ATRIP: variants seen among roughly 807,000 people sequenced by gnomAD.
The protein encoded by ATRIP is ATR interacting protein.
A neutral mutation model predicts 78.1 loss-of-function variants in ATRIP; 44 were observed. The observed-to-expected ratio is 0.56, with a 90% CI of 0.44 to 0.72. ATRIP has a LOEUF of 0.72. Ranked by LOEUF, ATRIP falls within the 30% of genes least tolerant of loss-of-function variation. The probability of loss-of-function intolerance (pLI) is 0.00; values close to 1 mark genes in which losing one functional copy is unlikely to be tolerated. For missense variants in ATRIP, 927 were observed against 980.2 expected (o/e 0.95, Z 0.72); for synonymous variants, 388 against 408.9 (o/e 0.95, Z 0.62).
Position 48,459,844 on chromosome 3 carries a change from G to C in ATRIP, c.983G>C (p.Ser328Thr), listed in dbSNP as rs774449471. The part of the protein sequence containing the change: ...KQPLIPGSSL[S>T]LCHLLSSSSE... ...CCTTTGATCCCAGGGTCATCCCTAA[G>C]CCTTTGCCACCTCCTGAGTAGTAGT... Residue 328 changes from serine (S) to threonine (T), a missense_variant, in exon 7 of 13, where the codon AGC becomes ACC. Ser to Thr is a moderately conservative substitution (Grantham distance 58). Transcript: ENST00000320211. 7 of 1,613,998 alleles carry C rather than the reference G, an allele frequency of 4.3e-6. No individual in the cohort carries two copies. In the South Asian group the frequency reaches 7.7e-5, roughly 18 times the overall value.
chr3:48,458,355 A>C (rs2040009991), intron 5 of ATRIP, among the ~76,000 whole-genome samples: 6 of 139,504 alleles, frequency 4.3e-5, no homozygotes, highest in Admixed American at 7.3e-5. Flanking sequence ...GCGGAGTCTC[A>C]CTCTGTCACC....
In ATRIP at chr3:48,467,042, C is replaced by T. The variant is rs202025490; in HGVS notation, c.*1488C>T. 62 of 1,613,978 alleles carry T rather than the reference C, an allele frequency of 3.8e-5. No individual in the cohort carries two copies. The highest frequency in any genetic ancestry group is 1.8e-4 in the Admixed American group (11 of 60,006). ...TGGTGGCACACAATGGTGACCGCTA[C>T]GACTTCCCCCTGCTCCAAGCAGAGC... On this transcript the variant is annotated 3_prime_UTR_variant, in exon 13 of 13. Coordinates refer to ENST00000320211, the MANE Select transcript of ATRIP (RefSeq NM_130384.3).
chr3:48,453,029 C>T (rs2039872730), intron 3 of ATRIP, among the ~76,000 whole-genome samples: 1 of 151,948 alleles, frequency 6.6e-6, no homozygotes, highest in Non-Finnish European at 1.5e-5. Flanking sequence ...GAACTATAGG[C>T]ACACACCACC....
rs1306718039 is a variant in ATRIP, at chr3:48,466,541, G to A, written c.*987G>A. The A allele has an allele frequency of 6.2e-7, 1 of 1,613,840 alleles. No homozygotes were observed. Among genetic ancestry groups the A allele is most frequent in the East Asian group, 2.2e-5 (1 of 44,890 alleles). ...GCAGGATTGTGCAGGGAAGGCCTGA[G>A]ATGTGCTTCTGCCCACCCCCTACCC... On this transcript the variant is annotated 3_prime_UTR_variant, in exon 13 of 13. Transcript: ENST00000320211.
rs760594164 is a variant in ATRIP, at chr3:48,466,947, C to CA, written c.*1395dup. 1.7e-5 allele frequency: 27 copies of CA among 1,611,878 alleles called. No individual in the cohort carries two copies. The East Asian group carries it at 6.0e-4, about 36-fold the overall frequency. ...AGCTGTGCTGGCAGCGCATGGGCGT[C>CA]AATGTTTTGATGACAACCTGGCCAA... On this transcript the variant is annotated 3_prime_UTR_variant, in exon 13 of 13. Transcript: ENST00000320211.
intron 4 of ATRIP, among the ~76,000 whole-genome samples, chr3:48,455,640 C>T (rs1353477992): frequency 6.6e-6 from 1 of 151,862 alleles, no homozygotes; most frequent in Non-Finnish European, 1.5e-5. Context: ...CAGGCACATA[C>T]CACCACACCA....
chr3:48,447,051 A>G lies in ATRIP; in HGVS notation c.206A>G (p.Gln69Arg), dbSNP rs947277468. Residue 69 changes from glutamine (Q) to arginine (R), a missense_variant, in exon 1 of 13, where the codon CAG becomes CGG. By Grantham distance (43) the Gln-to-Arg change is conservative (BLOSUM62 1). Coordinates refer to ENST00000320211, the MANE Select transcript of ATRIP (RefSeq NM_130384.3). ...DLEELDTLASQALSQCPAAAR... is the reference protein window; with the variant it reads ...DLEELDTLASRALSQCPAAAR... The stretch of plus-strand genomic sequence containing the variant: ...GAGGAGCTTGACACCCTCGCGTCAC[A>G]GGCCCTGAGCCAATGTCCGGCCGCG... 3 of 1,568,012 alleles carry G rather than the reference A, an allele frequency of 1.9e-6. No homozygotes were observed. The highest frequency in any genetic ancestry group is 2.6e-6 in the Non-Finnish European group (3 of 1,159,638).
rs373308897 is a variant in ATRIP, at chr3:48,459,428, G to A, written c.899G>A (p.Ser300Asn). The change falls in exon 6 of 13, where the codon AGC (serine) becomes AAC (asparagine). Residue 300 changes from serine to asparagine, a missense_variant. By Grantham distance (46) the Ser-to-Asn change is conservative. Coordinates refer to ENST00000320211, the MANE Select transcript of ATRIP (RefSeq NM_130384.3). ...QEEAQKSFVD[S>N]WRQRSNTQGS... is the part of the protein sequence containing the mutation. Reference sequence around the variant, plus strand: ...GAGGCCCAGAAAAGCTTTGTTGACAGCTGGAGACAGAGATCAAACACTCAA... The same window carrying A: ...GAGGCCCAGAAAAGCTTTGTTGACAACTGGAGACAGAGATCAAACACTCAA... 3 of 1,613,968 alleles carry A rather than the reference G, an allele frequency of 1.9e-6. No homozygotes were observed. The highest frequency in any genetic ancestry group is 2.5e-6 in the Non-Finnish European group (3 of 1,180,014).
chr3:48,467,001 C>G lies in ATRIP; in HGVS notation c.*1447C>G, dbSNP rs761651331. 1.1e-4 allele frequency: 170 copies of G among 1,613,630 alleles called. No homozygotes were observed. The highest frequency in any genetic ancestry group is 1.4e-4 in the Non-Finnish European group (164 of 1,180,044). On this transcript the variant is annotated 3_prime_UTR_variant, in exon 13 of 13. Transcript: ENST00000320211. ...GCTCCTAGCCTTCCTGCGGCGCCAG[C>G]CACAGCCCTGGTGCCTGGTGGCACA...
chr3:48,451,696 A>G, intron 2 of ATRIP, 33 bp from the exon 3 acceptor site: 1 of 1,555,650 alleles, frequency 6.4e-7, no homozygotes, highest in South Asian at 1.2e-5. Context: ...TTTCTCTTAC[A>G]AAGTTTTCAC....
Position 48,463,746 on chromosome 3 carries a change from T to C in ATRIP, c.1747T>C (p.Phe583Leu). The stretch of plus-strand genomic sequence containing the variant: ...TCTCTCTGGGTCCCTGTCTTTTAGG[T>C]TCCAGTGTGTGTTCCAAGTGCTGCC... Reference protein sequence around the residue: ...ENTSCDFLPRFQCVFQVLPKC... With the variant: ...ENTSCDFLPRLQCVFQVLPKC... Residue 583 changes from phenylalanine (F) to leucine (L), a missense_variant and splice_region_variant, in exon 9 of 13, where the codon TTC becomes CTC. Coordinates refer to ENST00000320211, the MANE Select transcript of ATRIP (RefSeq NM_130384.3). 1 of 1,614,020 alleles carries C rather than the reference T, an allele frequency of 6.2e-7. No homozygotes were observed. Among genetic ancestry groups the C allele is most frequent in the Non-Finnish European group, 8.5e-7 (1 of 1,179,976 alleles).
In ATRIP at chr3:48,467,557, T is replaced by TA; in HGVS notation, c.*2004dup. On this transcript the variant is annotated 3_prime_UTR_variant, in exon 13 of 13. Coordinates refer to ENST00000320211, the MANE Select transcript of ATRIP (RefSeq NM_130384.3). The stretch of plus-strand genomic sequence containing the variant: ...CTGCTGGCCATCCTGACCTTGGCAG[T>TA]AGCCACACTGTATGGACTATCCCTG... 6.2e-7 allele frequency: 1 copy of TA among 1,613,810 alleles called. No homozygotes were observed. The highest frequency in any genetic ancestry group is 8.5e-7 in the Non-Finnish European group (1 of 1,179,942).
At chr3:48,459,237 CTT>C (rs1231115961) in intron 5 of ATRIP, 120 bp from the exon 6 acceptor site, 14 of 762,092 alleles carry the variant, frequency 1.8e-5, no homozygotes, top group Non-Finnish European at 2.8e-5. Flanking sequence ...CGCTTTGGCT[CTT>C]GTTTGTTCCA....
chr3:48,449,518 CAA>C (rs1219144244), intron 1 of ATRIP, among the ~76,000 whole-genome samples: 1 of 151,088 alleles, frequency 6.6e-6, no homozygotes, highest in African/African-American at 2.4e-5. Flanking sequence ...GCTTTGCTCT[CAA>C]GAGTAATTCT....
chr3:48,464,703 AGGGGG>A (rs772858644), intron 11 of ATRIP, 41 bp downstream of exon 11: 2 of 1,613,574 alleles, frequency 1.2e-6, no homozygotes, highest in East Asian at 4.5e-5. Context: ...TCTGGTGGTA[AGGGGG>A]CCCCGTGCAA....
Position 48,467,407 on chromosome 3 carries a change from C to T in ATRIP, c.*1853C>T, listed in dbSNP as rs767948704. 4.3e-6 allele frequency: 7 copies of T among 1,614,218 alleles called. No homozygotes were observed. The South Asian group carries it at 6.6e-5, about 15-fold the overall frequency. ...CCAAGACCATCTGCTGTCACAACCA[C>T]TGCACACCTGGCCACAACCAGGAAC... On this transcript the variant is annotated 3_prime_UTR_variant, in exon 13 of 13. Coordinates refer to ENST00000320211, the MANE Select transcript of ATRIP (RefSeq NM_130384.3).
rs2040370754 is a variant in ATRIP, at chr3:48,467,335, G to C, written c.*1781G>C. On this transcript the variant is annotated 3_prime_UTR_variant, in exon 13 of 13. Coordinates refer to ENST00000320211, the MANE Select transcript of ATRIP (RefSeq NM_130384.3). Reference sequence around the variant, plus strand: ...GTGGATGCTCACGCCAGGCCTTTCGGCACCATCAGGCCCATGTATGGGGTC... The same window carrying C: ...GTGGATGCTCACGCCAGGCCTTTCGCCACCATCAGGCCCATGTATGGGGTC... 1 of 1,614,136 alleles carries C rather than the reference G, an allele frequency of 6.2e-7. No individual in the cohort carries two copies.
intron 3 of ATRIP, 118 bp downstream of exon 3, chr3:48,452,017 C>T: frequency 9.7e-7 from 1 of 1,026,368 alleles, no homozygotes; most frequent in Non-Finnish European, 1.4e-6. Context: ...ATACTTTCTG[C>T]TATCATCTCA....
chr3:48,450,111 A>G lies in ATRIP; in HGVS notation c.322A>G (p.Ile108Val), dbSNP rs765945400. 2.4e-5 allele frequency: 38 copies of G among 1,613,238 alleles called. No individual in the cohort carries two copies. The highest frequency in any genetic ancestry group is 3.2e-5 in the Non-Finnish European group (38 of 1,179,454). ...AGGGAAAAACAGAGAAACTGTTCCAATTAAAGATAATTTCGAATTAGAGGT... is the reference window on the plus strand; with the variant it reads ...AGGGAAAAACAGAGAAACTGTTCCAGTTAAAGATAATTTCGAATTAGAGGT... ...PSGKNRETVP[I>V]KDNFELEVLQ... Residue 108 changes from isoleucine (I) to valine (V), a missense_variant, in exon 2 of 13, where the codon ATT (isoleucine) becomes GTT (valine). Ile to Val is a conservative substitution (Grantham distance 29, BLOSUM62 3). Transcript: ENST00000320211.
Sources: gnomAD v4.1 joint callset for allele counts (sites outside exome capture counted in the v4.1 genomes callset) on GRCh38, gnomAD v4.1.1 for gene constraint, MANE v1.5 for transcripts, NCBI Gene and HGNC (gene_info 2026-07-23, HGNC 2026-07-21) for gene names.